The following COL5A2 variants were observed in gnomAD, a reference collection of about 807,000 sequenced individuals.
The protein encoded by COL5A2 is collagen type V alpha 2 chain.
In COL5A2, 23 loss-of-function variants were observed where a neutral mutation model predicts 208.2. That is an observed-to-expected ratio of 0.11 (90% CI 0.08 to 0.16). The LOEUF is 0.16. COL5A2 is among the 10% of genes least tolerant of loss of function. The probability of loss-of-function intolerance (pLI) is 1.00; values close to 1 mark genes in which losing one functional copy is unlikely to be tolerated. For missense variants in COL5A2, 1,590 were observed against 1,956.4 expected (o/e 0.81, Z 3.53); for synonymous variants, 625 against 628.5 (o/e 0.99, Z 0.08).
rs1553526728 is a variant in COL5A2, at chr2:189,191,145, A to AAC, written c.-42+34002_-42+34003insGT. On this transcript the variant is annotated intron_variant, in intron 1 of 10. Transcript: ENST00000649966. ...AAGGGAGATTAGGGAAACCATAAAAAAAAAAACAAAAAACAAACAAACAAC... is the reference window on the plus strand; with the variant it reads ...AAGGGAGATTAGGGAAACCATAAAAAACAAAAAACAAAAAACAAACAAACAAC... Among the ~76,000 whole-genome samples, 15 of 65,572 alleles carry AAC rather than the reference A, an allele frequency of 2.3e-4. 1 individual carries two copies. The highest frequency in any genetic ancestry group is 3.7e-4 in the African/African-American group (12 of 32,382). 43.0% of individuals were successfully genotyped at this position (65,572 alleles called of 152,430 possible). A position where few individuals can be genotyped will look rare whatever the true frequency, so the allele number is the denominator to read the frequency against.
At chr2:189,230,144 GA>G (rs1374466541), upstream of COL5A2, among the ~76,000 whole-genome samples, 1 of 151,746 alleles carries the variant, frequency 6.6e-6, no homozygotes, top group East Asian at 1.9e-4. Context: ...GCAAAAGAAT[GA>G]AATTGGACCT....
the COL5A2 span, among the ~76,000 whole-genome samples, chr2:189,376,282 A>C: frequency 0.036 from 5,528 of 152,232 alleles, 117 homozygotes; most frequent in Admixed American, 0.05. Context: ...ATAATGAAAA[A>C]CTGATGTATT....
At position 189,112,671 on chromosome 2, in the gene COL5A2, T is replaced by C. The variant is rs561819627; in HGVS notation, c.98-2222A>G. ...TCTTCATTAAAAGACTTGTATCACATAATACATATCTAATCAACAAAACAG... is the reference window on the plus strand; with the variant it reads ...TCTTCATTAAAAGACTTGTATCACACAATACATATCTAATCAACAAAACAG... On this transcript the variant is annotated intron_variant, in intron 1 of 53. Coordinates refer to ENST00000374866, the MANE Select transcript of COL5A2 (RefSeq NM_000393.5). Among the ~76,000 whole-genome samples the C allele has an allele frequency of 8.5e-5, 13 of 152,342 alleles. No individual in the cohort carries two copies. The South Asian group carries it at 2.7e-3, about 32-fold the overall frequency.
chr2:189,163,899 T>C (rs1688417477), intron 1 of COL5A2, among the ~76,000 whole-genome samples: 1 of 152,238 alleles, frequency 6.6e-6, no homozygotes, highest in Non-Finnish European at 1.5e-5. Flanking sequence ...GCTGCAATTA[T>C]GATGCAGATT....
chr2:189,065,299 G>A (rs1279708105), intron 23 of COL5A2, among the ~76,000 whole-genome samples: 2 of 152,140 alleles, frequency 1.3e-5, no homozygotes, highest in Non-Finnish European at 1.5e-5. Context: ...GGAGGCCAAG[G>A]CAGGCAGATC....
chr2:189,083,426 A>C (rs1394678675), intron 12 of COL5A2, among the ~76,000 whole-genome samples: 1 of 152,124 alleles, frequency 6.6e-6, no homozygotes, highest in East Asian at 1.9e-4. Context: ...GTAAATTGTC[A>C]TGATTTTAGG....
Position 189,092,340 on chromosome 2 carries a change from C to T in COL5A2, c.537G>A (p.Pro179=), listed in dbSNP as rs762891893. The T allele has an allele frequency of 3.9e-5, 62 of 1,609,376 alleles. No homozygotes were observed. Among genetic ancestry groups the T allele is most frequent in the Admixed American group, 1.7e-4 (10 of 59,606 alleles). The change falls in exon 7 of 54, where the codon CCG becomes CCA. Residue 179 remains proline (P), a synonymous_variant. Transcript: ENST00000374866. Reference sequence around the variant, plus strand: ...TCAAGCCATCGGGTCCTGGGTGGGACGGATGTCCAGGAGGTCCTGGAGCAC... The same window carrying T: ...TCAAGCCATCGGGTCCTGGGTGGGATGGATGTCCAGGAGGTCCTGGAGCAC... The part of the protein sequence containing the change: ...QPGAPGPPGH[P]SHPGPDGLSR...
At chr2:189,399,271 G>A in the COL5A2 span, among the ~76,000 whole-genome samples, 1 of 137,236 alleles carries the variant, frequency 7.3e-6, no homozygotes, top group African/African-American at 2.8e-5. Flanking sequence ...TTTTTTTTGA[G>A]ATGGAATCTT....
the COL5A2 span, among the ~76,000 whole-genome samples, chr2:189,381,481 AT>A: frequency 1.3e-5 from 2 of 151,586 alleles, no homozygotes; most frequent in Non-Finnish European, 1.5e-5. Flanking sequence ...TATTATATTA[AT>A]TTTTTTTCTG....
chr2:189,036,566 T>A (rs770277679), intron 52 of COL5A2, 50 bp downstream of exon 52: 1 of 1,440,518 alleles, frequency 6.9e-7, no homozygotes, highest in Non-Finnish European at 9.6e-7. Context: ...AAATATGTAA[T>A]AAGTAGTAAA....
At chr2:189,069,960 G>C (rs1310220553) in intron 18 of COL5A2, among the ~76,000 whole-genome samples, 1 of 152,124 alleles carries the variant, frequency 6.6e-6, no homozygotes, top group Non-Finnish European at 1.5e-5. Context: ...ATACTTCTTT[G>C]ATAAGAATTA....
At chr2:189,373,635 A>C in the COL5A2 span, among the ~76,000 whole-genome samples, 1 of 152,134 alleles carries the variant, frequency 6.6e-6, no homozygotes, top group Non-Finnish European at 1.5e-5. Flanking sequence ...AAATAATCAG[A>C]CTCTGAATAA....
intron 1 of COL5A2, among the ~76,000 whole-genome samples, chr2:189,215,692 T>C (rs867354263): frequency 1.3e-5 from 2 of 152,118 alleles, no homozygotes; most frequent in South Asian, 2.1e-4. Flanking sequence ...TAAATTCATA[T>C]CTATTTAAAA....
At chr2:189,071,238 C>T (rs138933175) in intron 18 of COL5A2, among the ~76,000 whole-genome samples, 1 of 152,242 alleles carries the variant, frequency 6.6e-6, no homozygotes, top group East Asian at 1.9e-4. Flanking sequence ...TCCGTGACCG[C>T]AGTCATTTTT....
intron 1 of COL5A2, among the ~76,000 whole-genome samples, chr2:189,127,920 A>G (rs1292039097): frequency 6.6e-6 from 1 of 152,050 alleles, no homozygotes; most frequent in African/African-American, 2.4e-5. Context: ...TGCTTCTTCC[A>G]CAAAACGCCC....
the COL5A2 span, among the ~76,000 whole-genome samples, chr2:189,336,337 T>A: frequency 6.6e-6 from 1 of 152,190 alleles, no homozygotes; most frequent in African/African-American, 2.4e-5. Context: ...CAATTTAACA[T>A]AGGGTTCTGT....
At chr2:189,370,737 T>C in the COL5A2 span, among the ~76,000 whole-genome samples, 1 of 152,216 alleles carries the variant, frequency 6.6e-6, no homozygotes, top group South Asian at 2.1e-4. Context: ...AAACGTATTT[T>C]ATTTCCTTTA....
chr2:189,437,557 T>C, the COL5A2 span, among the ~76,000 whole-genome samples: 1 of 152,192 alleles, frequency 6.6e-6, no homozygotes, highest in Non-Finnish European at 1.5e-5. Flanking sequence ...AGAAAAGGTG[T>C]AATTATAACC....
At chr2:189,044,651 A>T (rs1437606933) in intron 47 of COL5A2, among the ~76,000 whole-genome samples, 1 of 152,138 alleles carries the variant, frequency 6.6e-6, no homozygotes, top group Non-Finnish European at 1.5e-5. Flanking sequence ...ACAGACATTG[A>T]TTTACCTGAT....
Sources: gnomAD v4.1 joint callset for allele counts (sites outside exome capture counted in the v4.1 genomes callset) on GRCh38, gnomAD v4.1.1 for gene constraint, MANE v1.5 for transcripts, NCBI Gene and HGNC (gene_info 2026-07-23, HGNC 2026-07-21) for gene names.